XKR6: variants seen among roughly 807,000 people sequenced by gnomAD.
The protein encoded by XKR6 is XK-related protein 6.
In XKR6, 22 loss-of-function variants were observed where a neutral mutation model predicts 56.7. The ratio of observed to expected loss-of-function variants is 0.39; its 90% CI spans 0.28 to 0.55. The LOEUF is 0.55. XKR6 is among the 20% of genes least tolerant of loss of function. The pLI is 0.66. For missense variants in XKR6, 852 were observed against 889.0 expected (o/e 0.96, Z 0.53); for synonymous variants, 524 against 387.8 (o/e 1.35, Z -4.13).
chr8:10,912,194 T>A (rs1800400872), intron 2 of XKR6, among the ~76,000 whole-genome samples: 1 of 138,456 alleles, frequency 7.2e-6, no homozygotes, highest in Admixed American at 7.4e-5. Flanking sequence ...ATATATAGAG[T>A]GGGATGGTGT....
At chr8:11,033,640 T>C (rs1274929707) in intron 1 of XKR6, among the ~76,000 whole-genome samples, 1 of 152,160 alleles carries the variant, frequency 6.6e-6, no homozygotes, top group Non-Finnish European at 1.5e-5. Context: ...TCTGCTTCCC[T>C]TCATTGCTCT....
chr8:11,034,048 T>G (rs930780987), intron 1 of XKR6, among the ~76,000 whole-genome samples: 5 of 152,164 alleles, frequency 3.3e-5, no homozygotes, highest in African/African-American at 1.2e-4. Flanking sequence ...ATGTGTTAAG[T>G]GCCAACTGTC....
intron 1 of XKR6, among the ~76,000 whole-genome samples, chr8:11,007,865 G>A (rs557546712): frequency 7.2e-5 from 11 of 152,090 alleles, no homozygotes; most frequent in Admixed American, 3.3e-4. Context: ...GGTAAAATTC[G>A]GGAGTGCACA....
intron 1 of XKR6, among the ~76,000 whole-genome samples, chr8:11,159,097 G>C (rs1340744827): frequency 6.6e-6 from 1 of 152,158 alleles, no homozygotes; most frequent in Non-Finnish European, 1.5e-5. Context: ...CCTTGAGACA[G>C]GTGGACATTA....
At chr8:11,167,740 A>G (rs1802152353) in intron 1 of XKR6, among the ~76,000 whole-genome samples, 1 of 152,186 alleles carries the variant, frequency 6.6e-6, no homozygotes, top group African/African-American at 2.4e-5. Flanking sequence ...GGGCCCCAGC[A>G]AAGAGCCAAC....
intron 1 of XKR6, among the ~76,000 whole-genome samples, chr8:11,015,897 G>A (rs374259964): frequency 2.8e-4 from 42 of 151,312 alleles, no homozygotes; most frequent in African/African-American, 1.0e-3. Flanking sequence ...GGTGGGCGGC[G>A]GTGCCAGCTC....
At chr8:10,953,862 C>A (rs1218312091) in intron 1 of XKR6, among the ~76,000 whole-genome samples, 1 of 152,222 alleles carries the variant, frequency 6.6e-6, no homozygotes, top group African/African-American at 2.4e-5. Context: ...AGTCTACTTT[C>A]TGTCTCTATG....
At chr8:10,991,405 G>C (rs1797990981) in intron 1 of XKR6, among the ~76,000 whole-genome samples, 1 of 152,124 alleles carries the variant, frequency 6.6e-6, no homozygotes, top group Non-Finnish European at 1.5e-5. Flanking sequence ...GCTCTTCCTT[G>C]CTTACTTGGT....
chr8:11,093,397 C>T (rs1036069676), intron 1 of XKR6, among the ~76,000 whole-genome samples: 3 of 150,256 alleles, frequency 2.0e-5, no homozygotes, highest in African/African-American at 5.0e-5. Flanking sequence ...AAGTCAAAGC[C>T]TCACCCACTG....
intron 2 of XKR6, among the ~76,000 whole-genome samples, chr8:10,910,948 G>A (rs922430563): frequency 1.2e-4 from 18 of 152,198 alleles, no homozygotes; most frequent in African/African-American, 4.3e-4. Context: ...AGAGTGCCAG[G>A]AAATCCATTC....
chr8:11,108,681 G>A (rs1020992664), intron 1 of XKR6: 4 of 212,504 alleles, frequency 1.9e-5, no homozygotes, highest in Non-Finnish European at 2.8e-5. Context: ...AAAGCAATGA[G>A]CGACCTTCAA....
chr8:11,136,842 G>C (rs1421141603), intron 1 of XKR6: 3 of 152,152 alleles, frequency 2.0e-5, no homozygotes, highest in African/African-American at 7.2e-5. Context: ...CCCAAACTAA[G>C]ATACCCACAC....
chr8:11,105,552 C>T (rs1337984734), intron 1 of XKR6: 2 of 152,290 alleles, frequency 1.3e-5, no homozygotes, highest in Non-Finnish European at 2.9e-5. Context: ...TACTGATTCA[C>T]TCCCACTGAT....
rs767500417 is a variant in XKR6, at chr8:10,898,394, T to C, written c.1484A>G (p.Tyr495Cys). The C allele has an allele frequency of 1.2e-6, 2 of 1,614,012 alleles. No individual in the cohort carries two copies. Among genetic ancestry groups the C allele is most frequent in the Non-Finnish European group, 1.7e-6 (2 of 1,179,986 alleles). ...TGGTCCTGTGGGATGCAGCACGCCA[T>C]AGTATAAGAGCATCATTGCGATCCC... ...VAGIAMMLLY[Y>C]GVLHPTGPRA... The change falls in exon 3 of 3, where the codon TAT becomes TGT. Residue 495 changes from tyrosine (Y) to cysteine (C), a missense_variant. This residue lies in a region of XKR6 where 197 missense variants were observed against 190.9 expected (regional missense o/e 1.03). Coordinates refer to ENST00000416569, the MANE Select transcript of XKR6 (RefSeq NM_173683.4). This position sits in a 1 kb window ranked among gnomAD's most constrained non-coding sequence, Gnocchi z 6.6.
intron 1 of XKR6, among the ~76,000 whole-genome samples, chr8:11,123,082 CA>C (rs1799535516): frequency 6.6e-6 from 1 of 151,832 alleles, no homozygotes; most frequent in Non-Finnish European, 1.5e-5. Context: ...ACTAAAAATA[CA>C]AAAAATAGCC....
intron 1 of XKR6, among the ~76,000 whole-genome samples, chr8:11,020,582 G>A (rs1798727905): frequency 1.3e-5 from 2 of 152,178 alleles, no homozygotes; most frequent in Admixed American, 6.5e-5. Flanking sequence ...ACAGAGAGAA[G>A]CCTTTGGGTG....
Position 11,083,730 on chromosome 8 carries a change from G to A in XKR6, c.764+116846C>T, listed in dbSNP as rs530556182. The stretch of plus-strand genomic sequence containing the variant: ...GTGTCCAATAGGAAGGGAATGCTTA[G>A]TATCAATAAGAGATCTGGAAAGCTG... On this transcript the variant is annotated intron_variant, in intron 1 of 2. Transcript: ENST00000416569. Among the ~76,000 whole-genome samples the A allele has an allele frequency of 3.9e-5, 6 of 152,296 alleles. No homozygotes were observed. The East Asian group carries it at 1.2e-3, about 29-fold the overall frequency.
At chr8:11,142,047 G>T (rs60530116) in intron 1 of XKR6, among the ~76,000 whole-genome samples, 1 of 150,248 alleles carries the variant, frequency 6.7e-6, no homozygotes, top group African/African-American at 2.4e-5. Context: ...AGGAAAAAAG[G>T]AAACACCAAG....
At chr8:11,196,685 G>T (rs868630281) in intron 1 of XKR6, among the ~76,000 whole-genome samples, 6 of 152,186 alleles carry the variant, frequency 3.9e-5, no homozygotes, top group African/African-American at 1.4e-4. Flanking sequence ...GTTCTCAAGC[G>T]TGGGGTTCCC....
Sources: allele counts gnomAD v4.1 joint callset (sites outside exome capture counted in the v4.1 genomes callset), GRCh38; gene constraint gnomAD v4.1.1; regional missense constraint gnomAD v4.1.1; non-coding constraint Gnocchi (gnomAD v3.1); transcripts MANE v1.5; gene names NCBI Gene and HGNC (gene_info 2026-07-23, HGNC 2026-07-21).